The following SIM2 variants were observed in gnomAD, a reference collection of about 807,000 sequenced individuals.
SIM2 encodes the protein SIM bHLH transcription factor 2, also known as single-minded homolog 2.
Under a neutral mutation model 64.8 loss-of-function variants are expected in SIM2, and 28 were observed. The observed-to-expected ratio is 0.43, with a 90% confidence interval of 0.32 to 0.59. The LOEUF is 0.59. SIM2 is among the 20% of genes least tolerant of loss of function. The pLI, the probability that SIM2 is intolerant of heterozygous loss-of-function variation, is 0.07. For synonymous variants in SIM2, 408 were observed against 391.1 expected (o/e 1.04, Z -0.51); for missense variants, 847 against 871.4 (o/e 0.97, Z 0.35).
At chr21:36,739,087 C>T (rs1455354218) in intron 7 of SIM2, among the ~76,000 whole-genome samples, 1 of 149,194 alleles carries the variant, frequency 6.7e-6, no homozygotes, top group Non-Finnish European at 1.5e-5. Context: ...ACCTCCTCCT[C>T]GTTGGAAATT....
At chr21:36,731,859 T>C (rs919885214) in intron 7 of SIM2, among the ~76,000 whole-genome samples, 1 of 152,186 alleles carries the variant, frequency 6.6e-6, no homozygotes, top group Non-Finnish European at 1.5e-5. Flanking sequence ...GAAGTGACAC[T>C]TTTCTTTTAC....
At position 36,748,138 on chromosome 21, in the gene SIM2, C is replaced by T; in HGVS notation, c.*46C>T. On this transcript the variant is annotated 3_prime_UTR_variant, in exon 11 of 11. Transcript: ENST00000290399. ...GGAGCCTGGACCCGGCCTCCCGGGGCTGCGGCGCCACCGAGCCCGGCAAAT... is the reference window on the plus strand; with the variant it reads ...GGAGCCTGGACCCGGCCTCCCGGGGTTGCGGCGCCACCGAGCCCGGCAAAT... 9.2e-7 allele frequency: 1 copy of T among 1,089,580 alleles called. No homozygotes were observed. Among genetic ancestry groups the T allele is most frequent in the Non-Finnish European group, 1.1e-6 (1 of 879,022 alleles). 67.5% of individuals were successfully genotyped at this position (1,089,580 alleles called of 1,614,324 possible).
At chr21:36,729,772 G>A (rs970647322) in intron 6 of SIM2, among the ~76,000 whole-genome samples, 2 of 152,240 alleles carry the variant, frequency 1.3e-5, no homozygotes, top group Middle Eastern at 3.4e-3. Flanking sequence ...CGAGGACATG[G>A]TGCCCGGCCC....
At chr21:36,718,098 T>C (rs1437403354) in intron 3 of SIM2, among the ~76,000 whole-genome samples, 3 of 152,158 alleles carry the variant, frequency 2.0e-5, no homozygotes, top group Admixed American at 6.5e-5. Flanking sequence ...AAACATTCCA[T>C]GAATAATGTA....
At chr21:36,708,117 G>A (rs984764800) in intron 1 of SIM2, among the ~76,000 whole-genome samples, 1 of 152,226 alleles carries the variant, frequency 6.6e-6, no homozygotes, top group Non-Finnish European at 1.5e-5. Context: ...GCGGTGCACC[G>A]ACCCTCGCCA....
At chr21:36,746,324 A>AAT (rs1442389496) in intron 10 of SIM2, 2 of 151,974 alleles carry the variant, frequency 1.3e-5, no homozygotes, top group Non-Finnish European at 2.9e-5. Flanking sequence ...AAAAAAAAAA[A>AAT]GAAAAAGAAA....
intron 7 of SIM2, among the ~76,000 whole-genome samples, chr21:36,737,066 A>G (rs2089071524): frequency 6.6e-6 from 1 of 152,080 alleles, no homozygotes; most frequent in Non-Finnish European, 1.5e-5. Flanking sequence ...AGCTGGGACT[A>G]CAGGCATGTA....
chr21:36,702,249 C>A (rs2088511392), intron 1 of SIM2, among the ~76,000 whole-genome samples: 1 of 152,110 alleles, frequency 6.6e-6, no homozygotes, highest in Non-Finnish European at 1.5e-5. Flanking sequence ...GGTTTGGGAG[C>A]AGTTGAGGGG....
In SIM2 at chr21:36,747,530, C is replaced by G; in HGVS notation, c.1577-135C>G. 1 of 422,838 alleles carries G rather than the reference C, an allele frequency of 2.4e-6. No homozygotes were observed. Among genetic ancestry groups the G allele is most frequent in the Non-Finnish European group, 3.4e-6 (1 of 292,336 alleles). The allele number at this position is 422,838 out of a possible 1,614,324, so 26.2% of individuals were successfully genotyped here. ...TTGGACAGCACGGCCTAGACTAAGGCGGGGGAGGGCGACAGCGACCCCGCG... is the reference window on the plus strand; with the variant it reads ...TTGGACAGCACGGCCTAGACTAAGGGGGGGGAGGGCGACAGCGACCCCGCG... On this transcript the variant is annotated intron_variant, in intron 10 of 10. Transcript: ENST00000290399. The surrounding 1 kb of genome is among the most constrained non-coding windows in gnomAD (Gnocchi z 4.5).
At chr21:36,720,852 C>T (rs1057489233) in intron 4 of SIM2, among the ~76,000 whole-genome samples, 3 of 152,230 alleles carry the variant, frequency 2.0e-5, no homozygotes, top group Non-Finnish European at 2.9e-5. Context: ...GTGAGGCCAA[C>T]AGGCCTCTTG....
chr21:36,732,966 GGGACTTGGAGAGTGAAGGT>G, intron 7 of SIM2, among the ~76,000 whole-genome samples: 1 of 152,274 alleles, frequency 6.6e-6, no homozygotes, highest in Admixed American at 6.5e-5. Flanking sequence ...AGAACAGTCT[GGGACTTGGAGAGTGAAGGT>G]GAGGGCTCAT....
chr21:36,744,761 T>C lies in SIM2; in HGVS notation c.1201T>C (p.Cys401Arg), dbSNP rs957666381. The change falls in exon 10 of 11, where the codon TGC (cysteine) becomes CGC (arginine). Residue 401 changes from cysteine to arginine, a missense_variant. Cys to Arg is a radical substitution (Grantham distance 180, BLOSUM62 -3). Transcript: ENST00000290399. ...YSSFQMDKLE[C>R]GQLGNWRASP... ...CTCGTTCCAAATGGACAAACTGGAA[T>C]GCGGCCAGCTCGGAAACTGGAGAGC... 7 of 1,610,674 alleles carry C rather than the reference T, an allele frequency of 4.3e-6. No homozygotes were observed. In the African/African-American group the frequency reaches 8.0e-5, roughly 18 times the overall value.
Position 36,699,887 on chromosome 21 carries a change from G to C in SIM2, c.141G>C (p.Thr47=), listed in dbSNP as rs776913500. The C allele has an allele frequency of 3.7e-6, 6 of 1,607,174 alleles. No homozygotes were observed. Among genetic ancestry groups the C allele is most frequent in the South Asian group, 1.1e-5 (1 of 89,552 alleles). ...LDKASIIRLT[T]SYLKMRAVFP... is the part of the protein sequence containing the mutation. ...AAGCGTCCATCATCCGCCTCACCAC[G>C]AGCTACCTGAAGATGCGCGCCGTCT... is the stretch of plus-strand genomic sequence containing the variant. The change falls in exon 1 of 11, where the codon ACG becomes ACC. Residue 47 remains threonine (T), a synonymous_variant. Coordinates refer to ENST00000290399, the MANE Select transcript of SIM2 (RefSeq NM_005069.6). The surrounding 1 kb of genome is among the most constrained non-coding windows in gnomAD (Gnocchi z 5.6).
intron 7 of SIM2, among the ~76,000 whole-genome samples, chr21:36,731,580 G>C (rs953827846): frequency 1.3e-5 from 2 of 152,198 alleles, no homozygotes; most frequent in Admixed American, 1.3e-4. Flanking sequence ...CATTTTACCA[G>C]TGAGGATGCT....
intron 1 of SIM2, among the ~76,000 whole-genome samples, chr21:36,700,312 C>A (rs1480680388): frequency 6.7e-6 from 1 of 148,236 alleles, no homozygotes; most frequent in South Asian, 2.1e-4. Flanking sequence ...TTCTTTCTTT[C>A]TTTCTCTTTC....
At position 36,699,662 on chromosome 21, in the gene SIM2, T is replaced by A. The variant is rs2088455053; in HGVS notation, c.-85T>A. 6.7e-7 allele frequency: 1 copy of A among 1,490,560 alleles called. No individual in the cohort carries two copies. Among genetic ancestry groups the A allele is most frequent in the South Asian group, 1.3e-5 (1 of 79,020 alleles). 92.3% of individuals were successfully genotyped at this position (1,490,560 alleles called of 1,614,324 possible). A position where few individuals can be genotyped will look rare whatever the true frequency, so the allele number is the denominator to read the frequency against. ...GACTCACCTGGCTCCCGGCTCCCCC[T>A]TCCCCATCCCCGCCGCCGCAGCCCG... On this transcript the variant is annotated 5_prime_UTR_variant, in exon 1 of 11. Coordinates refer to ENST00000290399, the MANE Select transcript of SIM2 (RefSeq NM_005069.6). The surrounding 1 kb of genome is among the most constrained non-coding windows in gnomAD (Gnocchi z 5.6).
At position 36,709,234 on chromosome 21, in the gene SIM2, G is replaced by A. The variant is rs1274075598; in HGVS notation, c.242G>A (p.Gly81Glu). Residue 81 changes from glycine to glutamate, a missense_variant, in exon 2 of 11, where the codon GGA (glycine) becomes GAA (glutamate). Gly to Glu is a moderately conservative substitution (Grantham distance 98). Around this residue, in one of 3 missense-constraint regions of SIM2, gnomAD observed 397 missense variants for 439.2 expected, o/e 0.90. Coordinates refer to ENST00000290399, the MANE Select transcript of SIM2 (RefSeq NM_005069.6). The part of the protein sequence containing the change: ...GPLDGVAKEL[G>E]SHLLQTLDGF... Reference sequence around the variant, plus strand: ...CTGGACGGCGTCGCCAAGGAGCTGGGATCGCACTTGCTGCAGGTAGAGCGG... The same window carrying A: ...CTGGACGGCGTCGCCAAGGAGCTGGAATCGCACTTGCTGCAGGTAGAGCGG... 8.7e-6 allele frequency: 14 copies of A among 1,606,850 alleles called. No individual in the cohort carries two copies. Among genetic ancestry groups the A allele is most frequent in the Admixed American group, 1.7e-5 (1 of 59,376 alleles).
chr21:36,731,330 G>A (rs929035264), intron 7 of SIM2, among the ~76,000 whole-genome samples, 179 bp downstream of exon 7: 2 of 150,936 alleles, frequency 1.3e-5, no homozygotes, highest in African/African-American at 2.5e-5. Context: ...GCCTGTTGTC[G>A]GTTCTCAAGC....
intron 7 of SIM2, among the ~76,000 whole-genome samples, chr21:36,732,445 G>T (rs992589764): frequency 6.6e-6 from 1 of 152,220 alleles, no homozygotes; most frequent in Non-Finnish European, 1.5e-5. Context: ...CCCGCAGGCC[G>T]CTAGGTCCAC....
Sources: allele counts gnomAD v4.1 joint callset (sites outside exome capture counted in the v4.1 genomes callset), GRCh38; gene constraint gnomAD v4.1.1; regional missense constraint gnomAD v4.1.1; non-coding constraint Gnocchi (gnomAD v3.1); transcripts MANE v1.5; gene names NCBI Gene and HGNC (gene_info 2026-07-23, HGNC 2026-07-21).